Variants in CTNNAL1 observed in about 807,000 individuals in gnomAD.
The protein encoded by CTNNAL1 is catenin alpha like 1, also known as alpha-catulin.
CTNNAL1 carries 69 observed loss-of-function variants against 93.6 expected under a neutral mutation model. The ratio of observed to expected loss-of-function variants is 0.74; its 90% CI spans 0.61 to 0.90. The LOEUF (loss-of-function observed/expected upper bound fraction) is 0.90. CTNNAL1 is among the 40% of genes least tolerant of loss of function. The pLI is 0.00. For synonymous variants in CTNNAL1, 286 were observed against 305.4 expected (o/e 0.94, Z 0.66); for missense variants, 836 against 862.0 (o/e 0.97, Z 0.38).
chr9:108,963,981 G>A lies in CTNNAL1; in HGVS notation c.1591+1397C>T, dbSNP rs151261012. Among the ~76,000 whole-genome samples the A allele has an allele frequency of 1.1e-3, 172 of 152,254 alleles. 1 individual carries two copies. The Middle Eastern group carries it at 0.017, about 15-fold the overall frequency. ...GACCTGGGCCTTACAGATACTCCAG[G>A]ATAACCCACACCAGGTATCTTATCA... On this transcript the variant is annotated intron_variant, in intron 11 of 18. Transcript: ENST00000325551.
At chr9:108,955,848 T>A (rs747193532) in intron 11 of CTNNAL1, 21 bp from the exon 12 acceptor site, 2 of 1,512,028 alleles carry the variant, frequency 1.3e-6, no homozygotes, top group Admixed American at 4.1e-5. Context: ...CACATATAAC[T>A]TAAAAAATTT....
intron 12 of CTNNAL1, among the ~76,000 whole-genome samples, chr9:108,953,990 T>C (rs1202889887): frequency 6.6e-6 from 1 of 152,188 alleles, no homozygotes; most frequent in Non-Finnish European, 1.5e-5. Context: ...CCTCAAGGTT[T>C]TTAGGTTTAG....
intron 7 of CTNNAL1, 70 bp from the exon 8 acceptor site, chr9:108,977,118 G>A: frequency 1.5e-6 from 1 of 663,452 alleles, no homozygotes; most frequent in Non-Finnish European, 2.4e-6. Flanking sequence ...AATTTTGTTT[G>A]GACTGTAAAT....
At chr9:108,948,964 T>A (rs1184104493) in intron 14 of CTNNAL1, among the ~76,000 whole-genome samples, 1 of 151,816 alleles carries the variant, frequency 6.6e-6, no homozygotes, top group African/African-American at 2.4e-5. Flanking sequence ...TCAAATGAAA[T>A]GATGAAGCAA....
In CTNNAL1 at chr9:108,943,686, T is replaced by C; in HGVS notation, c.2055+17A>G. ...ATAAAGATAGATGTGTGAAAGTTTTTCATATGTCTCTTTTACCTTTAGAAA... is the reference window on the plus strand; with the variant it reads ...ATAAAGATAGATGTGTGAAAGTTTTCCATATGTCTCTTTTACCTTTAGAAA... On this transcript the variant is annotated intron_variant, in intron 17 of 18. Coordinates refer to ENST00000325551, the MANE Select transcript of CTNNAL1 (RefSeq NM_003798.4). 6.3e-7 allele frequency: 1 copy of C among 1,595,186 alleles called. No individual in the cohort carries two copies. Among genetic ancestry groups the C allele is most frequent in the East Asian group, 2.2e-5 (1 of 44,740 alleles).
chr9:108,954,598 G>A (rs893168501), intron 12 of CTNNAL1, among the ~76,000 whole-genome samples: 4 of 152,090 alleles, frequency 2.6e-5, no homozygotes, highest in Admixed American at 2.6e-4. Flanking sequence ...TAGACAAATT[G>A]CTATTTGTAC....
At position 108,979,443 on chromosome 9, in the gene CTNNAL1, C is replaced by T; in HGVS notation, c.939G>A (p.Gln313=). 1 of 1,614,066 alleles carries T rather than the reference C, an allele frequency of 6.2e-7. No individual in the cohort carries two copies. The highest frequency in any genetic ancestry group is 8.5e-7 in the Non-Finnish European group (1 of 1,179,984). ...IEALRENLYF[Q]SKENLSVTLE... ...ATGTCACAGAAAGGTTCTCTTTGGA[C>T]TGAAAATAAAGATTCTCCCGAAGAG... Residue 313 remains glutamine, a synonymous_variant, in exon 7 of 19, where the codon CAG becomes CAA. Coordinates refer to ENST00000325551, the MANE Select transcript of CTNNAL1 (RefSeq NM_003798.4).
intron 1 of CTNNAL1, among the ~76,000 whole-genome samples, chr9:109,005,015 A>G (rs2132214803): frequency 6.6e-6 from 1 of 152,302 alleles, no homozygotes; most frequent in Non-Finnish European, 1.5e-5. Flanking sequence ...ATTTGAACCC[A>G]GGTTTAAACT....
At chr9:108,950,911 C>T (rs1035997653) in intron 14 of CTNNAL1, among the ~76,000 whole-genome samples, 1 of 152,080 alleles carries the variant, frequency 6.6e-6, no homozygotes, top group Non-Finnish European at 1.5e-5. Context: ...TCTCCAATAT[C>T]AGCTTTATCA....
intron 11 of CTNNAL1, among the ~76,000 whole-genome samples, chr9:108,964,409 A>G (rs1830900026): frequency 6.6e-6 from 1 of 152,210 alleles, no homozygotes. Flanking sequence ...CTTTGACACT[A>G]CAGAAGCCAT....
At chr9:108,991,986 T>G in intron 3 of CTNNAL1, 1 of 728,428 alleles carries the variant, frequency 1.4e-6, no homozygotes, top group Non-Finnish European at 2.6e-6. Flanking sequence ...ATTTAGGGAC[T>G]CTGAGTACAG....
chr9:108,957,123 T>C (rs1830706301), intron 11 of CTNNAL1, among the ~76,000 whole-genome samples: 1 of 149,084 alleles, frequency 6.7e-6, no homozygotes, highest in Non-Finnish European at 1.5e-5. Flanking sequence ...AGAATTTTTT[T>C]TTTTTTTTTT....
chr9:109,007,988 C>T (rs1404500576), intron 1 of CTNNAL1, among the ~76,000 whole-genome samples: 1 of 151,928 alleles, frequency 6.6e-6, no homozygotes, highest in African/African-American at 2.4e-5. Flanking sequence ...GATTCATCCC[C>T]ATTGATAATT....
intron 8 of CTNNAL1, among the ~76,000 whole-genome samples, chr9:108,976,724 G>C (rs1831278500): frequency 6.6e-6 from 1 of 151,964 alleles, no homozygotes; most frequent in Non-Finnish European, 1.5e-5. Flanking sequence ...TAGAGATGGG[G>C]TTTTGCCATG....
At chr9:108,979,022 A>C (rs940877615) in intron 7 of CTNNAL1, among the ~76,000 whole-genome samples, 1 of 152,194 alleles carries the variant, frequency 6.6e-6, no homozygotes, top group Admixed American at 6.5e-5. Context: ...CAACAGTGTG[A>C]ACTAGTGATA....
chr9:108,946,032 G>T (rs1325149366), intron 15 of CTNNAL1, among the ~76,000 whole-genome samples: 1 of 152,144 alleles, frequency 6.6e-6, no homozygotes, highest in Non-Finnish European at 1.5e-5. Context: ...TGGGCATAGT[G>T]GCTCAGGCCT....
At chr9:108,997,066 G>C (rs763590530) in intron 2 of CTNNAL1, among the ~76,000 whole-genome samples, 3 of 152,054 alleles carry the variant, frequency 2.0e-5, no homozygotes, top group Admixed American at 1.3e-4. Flanking sequence ...TTTATTGTAA[G>C]TGCTTTCACA....
intron 4 of CTNNAL1, among the ~76,000 whole-genome samples, chr9:108,989,842 G>C (rs1831732322): frequency 6.6e-6 from 1 of 152,194 alleles, no homozygotes; most frequent in Non-Finnish European, 1.5e-5. Context: ...CTGAGATTAG[G>C]AGTTCGAGAC....
intron 7 of CTNNAL1, among the ~76,000 whole-genome samples, chr9:108,977,892 A>G (rs889558050): frequency 6.6e-6 from 1 of 152,222 alleles, no homozygotes; most frequent in Non-Finnish European, 1.5e-5. Flanking sequence ...AAATTTCTAT[A>G]TTGTAAAATT....
Sources: allele counts gnomAD v4.1 joint callset (sites outside exome capture counted in the v4.1 genomes callset), GRCh38; gene constraint gnomAD v4.1.1; transcripts MANE v1.5; gene names NCBI Gene and HGNC (gene_info 2026-07-23, HGNC 2026-07-21).